Variants in HDAC9 observed in about 807,000 individuals in gnomAD.
HDAC9 encodes the protein histone deacetylase 9.
Under a neutral mutation model 139.4 loss-of-function variants are expected in HDAC9, and 41 were observed. The ratio of observed to expected loss-of-function variants is 0.29; its 90% confidence interval spans 0.23 to 0.38. HDAC9 has a LOEUF of 0.38. Ranked by LOEUF, HDAC9 falls within the 10% of genes least tolerant of loss-of-function variation. The probability of loss-of-function intolerance (pLI) is 1.00; values close to 1 mark genes in which losing one functional copy is unlikely to be tolerated. For missense variants in HDAC9, 1,147 were observed against 1,297.0 expected, an observed-to-expected ratio of 0.88 and a Z score of 1.78; for synonymous variants, 517 against 476.2, an observed-to-expected ratio of 1.09 and a Z score of -1.12.
At chr7:18,267,458 C>T (rs1258906930) in intron 2 of HDAC9, among the ~76,000 whole-genome samples, 2 of 152,086 alleles carry the variant, frequency 1.3e-5, no homozygotes, top group Admixed American at 6.6e-5. Flanking sequence ...TTCCCCACAA[C>T]ACTGTTATTA....
chr7:18,325,832 C>A (rs1385693409), intron 1 of HDAC9, among the ~76,000 whole-genome samples: 2 of 152,000 alleles, frequency 1.3e-5, no homozygotes, highest in Non-Finnish European at 2.9e-5. Flanking sequence ...GTAACAGTTG[C>A]CTCCAGTATT....
intron 25 of HDAC9, among the ~76,000 whole-genome samples, chr7:18,987,051 C>A (rs902637233): frequency 6.6e-6 from 1 of 152,162 alleles, no homozygotes; most frequent in Non-Finnish European, 1.5e-5. Context: ...TAATTGAATA[C>A]CCTTTATTTC....
At chr7:18,958,254 A>G (rs990834706) in intron 24 of HDAC9, among the ~76,000 whole-genome samples, 1 of 152,194 alleles carries the variant, frequency 6.6e-6, no homozygotes, top group African/African-American at 2.4e-5. Context: ...GATAGATGGC[A>G]TGCAAGGGTC....
At chr7:18,763,909 AAC>A (rs1337883637) in intron 15 of HDAC9, among the ~76,000 whole-genome samples, 1 of 152,168 alleles carries the variant, frequency 6.6e-6, no homozygotes, top group African/African-American at 2.4e-5. Flanking sequence ...TGTGAATATA[AAC>A]ACACATTTGA....
At chr7:18,577,070 C>T (rs1347049111) in intron 2 of HDAC9, among the ~76,000 whole-genome samples, 3 of 152,174 alleles carry the variant, frequency 2.0e-5, no homozygotes, top group Non-Finnish European at 4.4e-5. Flanking sequence ...TGTCAATTAG[C>T]ATTCACAGAA....
intron 25 of HDAC9, among the ~76,000 whole-genome samples, chr7:18,995,222 A>T (rs1786364407): frequency 6.6e-6 from 1 of 152,210 alleles, no homozygotes; most frequent in Admixed American, 6.5e-5. Flanking sequence ...CAGAGCTCAG[A>T]CGCAAACTCA....
intron 12 of HDAC9, among the ~76,000 whole-genome samples, chr7:18,670,003 C>T (rs549157637): frequency 1.6e-4 from 24 of 148,420 alleles, no homozygotes; most frequent in African/African-American, 5.7e-4. Flanking sequence ...GACACTAAAC[C>T]TTTTGTTGAA....
chr7:18,148,604 T>TCCC (rs1190559782), intron 1 of HDAC9, among the ~76,000 whole-genome samples: 1 of 151,968 alleles, frequency 6.6e-6, no homozygotes, highest in Admixed American at 6.6e-5. Flanking sequence ...TTACAGGCGC[T>TCCC]CGCCACCACG....
chr7:18,748,942 C>G, intron 13 of HDAC9, 63 bp from the exon 14 acceptor site: 1 of 1,465,080 alleles, frequency 6.8e-7, no homozygotes. Context: ...ATATTATCTC[C>G]TAACATGTGT....
rs375810079 is a variant in HDAC9 at position 18,857,602 on chromosome 7, C to T, written c.2685-16876C>T. 2.2e-4 allele frequency among the ~76,000 whole-genome samples: 34 copies of T among 152,058 alleles called. No homozygotes were observed. In the South Asian group the frequency reaches 5.4e-3, roughly 24 times the overall value. On this transcript the variant is annotated intron_variant, in intron 21 of 25. Transcript: ENST00000686413. The stretch of plus-strand genomic sequence containing the variant: ...AAAAATCAATATCTGTATTAATGAA[C>T]GCATCCCTTTGAACTGGAAGAAATT...
intron 17 of HDAC9, among the ~76,000 whole-genome samples, chr7:18,813,411 G>T (rs1202989905): frequency 6.6e-6 from 1 of 152,054 alleles, no homozygotes; most frequent in Non-Finnish European, 1.5e-5. Context: ...TCCTAGTCAG[G>T]TGTGGATCTC....
intron 1 of HDAC9, among the ~76,000 whole-genome samples, chr7:18,312,862 A>T (rs149536508): frequency 9.6e-4 from 146 of 152,194 alleles, no homozygotes; most frequent in African/African-American, 3.3e-3. Flanking sequence ...AAGAAATGCA[A>T]TTTGCTAACA....
At chr7:18,658,717 C>G (rs945804852) in intron 11 of HDAC9, among the ~76,000 whole-genome samples, 1 of 151,992 alleles carries the variant, frequency 6.6e-6, no homozygotes, top group African/African-American at 2.4e-5. Context: ...GTAGACCTCT[C>G]AATTTGAAAG....
intron 2 of HDAC9, among the ~76,000 whole-genome samples, chr7:18,572,914 T>C (rs188313185): frequency 5.3e-5 from 8 of 152,342 alleles, no homozygotes; most frequent in Non-Finnish European, 8.8e-5. Flanking sequence ...GTTTGTGTTA[T>C]GGTTTGTTAT....
chr7:18,400,358 T>A (rs1019525870), intron 1 of HDAC9, among the ~76,000 whole-genome samples: 2 of 152,112 alleles, frequency 1.3e-5, no homozygotes, highest in African/African-American at 4.8e-5. Flanking sequence ...TATCAATGAT[T>A]TGGAGAGTGA....
At position 19,000,620 on chromosome 7, in the gene HDAC9, A is replaced by G. The variant is rs188000283; in HGVS notation, c.*4558A>G. ...ATGCTGGAAATAACTAGGTCAGACA[A>G]TGAAACCTTAGACTTTTGATTGGGG... On this transcript the variant is annotated 3_prime_UTR_variant, in exon 26 of 26. Transcript: ENST00000686413. The G allele has an allele frequency of 2.0e-5, 3 of 152,360 alleles. No individual in the cohort carries two copies. The highest frequency in any genetic ancestry group is 1.9e-4 in the East Asian group (1 of 5,194). The allele number at this position is 152,360 out of a possible 1,614,324, so 9.4% of individuals were successfully genotyped here.
rs1781590852 is a variant in HDAC9 at position 18,935,805 on chromosome 7, G to A, written c.2804-4G>A. 6.2e-7 allele frequency: 1 copy of A among 1,611,802 alleles called. No homozygotes were observed. Among genetic ancestry groups the A allele is most frequent in the African/African-American group, 1.3e-5 (1 of 74,812 alleles). On this transcript the variant is annotated splice_polypyrimidine_tract_variant and splice_region_variant and intron_variant, in intron 22 of 25. Transcript: ENST00000686413. ...TTTGAAATGTTCTGTTTGTATTATG[G>A]TAGGTTTTGGTCATTTGACGAAGCA...
chr7:18,874,643 A>G lies in HDAC9; in HGVS notation c.2803+47A>G, dbSNP rs755989078. On this transcript the variant is annotated intron_variant, in intron 22 of 25. Transcript: ENST00000686413. ...TTACGAAAGGCTCTGATATCATACC[A>G]TCTTTTAGGTCTTTATGATAGACAC... 6 of 1,082,292 alleles carry G rather than the reference A, an allele frequency of 5.5e-6. No homozygotes were observed. In the Admixed American group the frequency reaches 9.9e-5, roughly 18 times the overall value. The allele number at this position is 1,082,292 out of a possible 1,614,324, so 67.0% of individuals were successfully genotyped here.
chr7:18,622,375 G>A (rs910518039), intron 6 of HDAC9, among the ~76,000 whole-genome samples: 1 of 152,280 alleles, frequency 6.6e-6, no homozygotes, highest in East Asian at 1.9e-4. Context: ...CCAGGCTGGA[G>A]TGCAATGGCA....
Sources: allele counts gnomAD v4.1 joint callset (sites outside exome capture counted in the v4.1 genomes callset), GRCh38; gene constraint gnomAD v4.1.1; transcripts MANE v1.5; gene names NCBI Gene and HGNC (gene_info 2026-07-23, HGNC 2026-07-21).